NKAIN3: variants seen among roughly 807,000 people sequenced by gnomAD.
NKAIN3 encodes sodium/potassium-transporting ATPase subunit beta-1-interacting protein 3.
A neutral mutation model predicts 30.2 loss-of-function variants in NKAIN3; 25 were observed. The ratio of observed to expected loss-of-function variants is 0.83; its 90% confidence interval spans 0.60 to 1.16. NKAIN3 has a LOEUF of 1.16. NKAIN3 is among the 50% of genes most tolerant of loss of function. The pLI is 0.00. For missense variants in NKAIN3, 225 were observed against 254.1 expected (o/e 0.89, Z 0.78); for synonymous variants, 91 against 89.6 (o/e 1.02, Z -0.09).
chr8:62,816,524 GGC>G (rs1818684982), intron 4 of NKAIN3, among the ~76,000 whole-genome samples: 1 of 152,142 alleles, frequency 6.6e-6, no homozygotes, highest in African/African-American at 2.4e-5. Context: ...TACCTCTGGA[GGC>G]AGTTTGGCCA....
chr8:62,854,013 G>A (rs10091675), intron 4 of NKAIN3, among the ~76,000 whole-genome samples: 4,054 of 152,222 alleles, frequency 0.027, 180 homozygotes, highest in African/African-American at 0.092. Context: ...ATGGTTTTCT[G>A]TGAATTTCTT....
At chr8:62,423,339 AC>A (rs1159339430) in intron 1 of NKAIN3, among the ~76,000 whole-genome samples, 5 of 151,600 alleles carry the variant, frequency 3.3e-5, no homozygotes, top group Admixed American at 6.6e-5. Flanking sequence ...TTATTTCCAA[AC>A]CGTGCTGTTT....
chr8:62,662,598 G>A (rs542212478), intron 3 of NKAIN3, among the ~76,000 whole-genome samples: 1 of 152,144 alleles, frequency 6.6e-6, no homozygotes, highest in Non-Finnish European at 1.5e-5. Context: ...AGTTATTGAG[G>A]TGAGCTTTAT....
At chr8:62,614,599 C>T (rs149400778) in intron 3 of NKAIN3, among the ~76,000 whole-genome samples, 29 of 152,248 alleles carry the variant, frequency 1.9e-4, no homozygotes, top group African/African-American at 6.5e-4. Context: ...GTAACAAGCT[C>T]CCCCAGGCCC....
chr8:62,707,680 AT>A (rs890298993), intron 3 of NKAIN3, among the ~76,000 whole-genome samples: 9 of 152,042 alleles, frequency 5.9e-5, no homozygotes, highest in African/African-American at 2.2e-4. Context: ...TGGGTTTTCT[AT>A]TAACTCTGCC....
chr8:62,990,928 G>C (rs1824306925), intron 5 of NKAIN3: 1 of 152,180 alleles, frequency 6.6e-6, no homozygotes, highest in Non-Finnish European at 1.5e-5. Flanking sequence ...AGGGGAAAAG[G>C]ATGTGAGATC....
intron 1 of NKAIN3, among the ~76,000 whole-genome samples, chr8:62,372,410 G>A (rs1563369443): frequency 6.6e-6 from 1 of 151,722 alleles, no homozygotes. Context: ...CTGAATTTTG[G>A]TACTGATATA....
At chr8:62,604,786 A>G (rs1811075208) in intron 3 of NKAIN3, among the ~76,000 whole-genome samples, 1 of 152,212 alleles carries the variant, frequency 6.6e-6, no homozygotes, top group South Asian at 2.1e-4. Context: ...TAATTTACAA[A>G]TGGGAAGTAT....
chr8:62,527,074 T>C (rs1031698600), intron 1 of NKAIN3, among the ~76,000 whole-genome samples: 1 of 152,216 alleles, frequency 6.6e-6, no homozygotes, highest in Non-Finnish European at 1.5e-5. Flanking sequence ...TTATGGTCTC[T>C]AGACTGGAAT....
intron 1 of NKAIN3, among the ~76,000 whole-genome samples, chr8:62,376,827 T>C (rs1210291579): frequency 6.6e-6 from 1 of 152,146 alleles, no homozygotes; most frequent in African/African-American, 2.4e-5. Context: ...AAAAAACTTT[T>C]CTCTAGATAT....
chr8:62,542,048 A>C (rs1212227997), intron 1 of NKAIN3, among the ~76,000 whole-genome samples: 2 of 152,218 alleles, frequency 1.3e-5, no homozygotes, highest in African/African-American at 4.8e-5. Flanking sequence ...CTCAAATGAC[A>C]GTACTCATAG....
rs1467080586 is a variant in NKAIN3 at position 62,968,646 on chromosome 8, G to T, written c.*3239G>T. 2.0e-5 allele frequency among the ~76,000 whole-genome samples: 3 copies of T among 152,188 alleles called. No individual in the cohort carries two copies. The highest frequency in any genetic ancestry group is 7.2e-5 in the African/African-American group (3 of 41,444). Reference sequence around the variant, plus strand: ...GCTCTTTAGCTTCTAGTGCTGACTGGAATGGTGAACATTTAAAGCCAGTGT... The same window carrying T: ...GCTCTTTAGCTTCTAGTGCTGACTGTAATGGTGAACATTTAAAGCCAGTGT... On this transcript the variant is annotated 3_prime_UTR_variant, in exon 7 of 7. Coordinates refer to ENST00000623646, the MANE Select transcript of NKAIN3 (RefSeq NM_001304533.3).
intron 6 of NKAIN3, among the ~76,000 whole-genome samples, chr8:62,962,148 T>C (rs951947660): frequency 2.0e-5 from 3 of 152,336 alleles, no homozygotes; most frequent in South Asian, 4.1e-4. Context: ...AAACTACTTA[T>C]GTATCCACTG....
chr8:62,855,521 G>A (rs1477122293), intron 4 of NKAIN3: 7 of 1,436,058 alleles, frequency 4.9e-6, no homozygotes, highest in Admixed American at 1.7e-5. Context: ...GTAATCTGGT[G>A]GGTAAACAAG....
chr8:62,921,031 T>A (rs1822260185), intron 5 of NKAIN3, among the ~76,000 whole-genome samples: 2 of 152,218 alleles, frequency 1.3e-5, no homozygotes, highest in South Asian at 4.1e-4. Context: ...CTGAAGCCAA[T>A]TGCAATGATC....
chr8:62,820,968 G>C (rs1483678875), intron 4 of NKAIN3, among the ~76,000 whole-genome samples: 4 of 151,846 alleles, frequency 2.6e-5, no homozygotes, highest in Non-Finnish European at 4.4e-5. Flanking sequence ...ACTTATCATG[G>C]GCATAATTAA....
intron 4 of NKAIN3, among the ~76,000 whole-genome samples, chr8:62,755,823 C>T (rs1230932231): frequency 6.6e-6 from 1 of 152,122 alleles, no homozygotes; most frequent in Non-Finnish European, 1.5e-5. Flanking sequence ...TAAAGTTCCA[C>T]TCACCCAAGG....
At chr8:62,579,735 A>C (rs947323914) in intron 2 of NKAIN3, 59 bp downstream of exon 2, 29 of 999,784 alleles carry the variant, frequency 2.9e-5, no homozygotes, top group Middle Eastern at 2.8e-4. Context: ...CTATAAGAAT[A>C]TAAATAAAAT....
In NKAIN3 at chr8:62,973,415, C is replaced by A. The variant is rs1034941980; in HGVS notation, c.*8008C>A. ...GTTTTGATTTGCATTTCTCTAATGA[C>A]CAGTGATGATGAGATTTTTTTTTAC... On this transcript the variant is annotated 3_prime_UTR_variant, in exon 7 of 7. Coordinates refer to ENST00000623646, the MANE Select transcript of NKAIN3 (RefSeq NM_001304533.3). Among the ~76,000 whole-genome samples, 1 of 151,464 alleles carries A rather than the reference C, an allele frequency of 6.6e-6. No individual in the cohort carries two copies.
Sources: gnomAD v4.1 joint callset for allele counts (sites outside exome capture counted in the v4.1 genomes callset) on GRCh38, gnomAD v4.1.1 for gene constraint, MANE v1.5 for transcripts, NCBI Gene and HGNC (gene_info 2026-07-23, HGNC 2026-07-21) for gene names.